Variants in CHL1 observed in about 807,000 individuals in gnomAD.
CHL1 encodes cell adhesion molecule L1 like, also known as neural cell adhesion molecule L1-like protein.
A neutral mutation model predicts 141.9 loss-of-function variants in CHL1; 96 were observed. The observed-to-expected ratio is 0.68, with a 90% CI of 0.57 to 0.80. CHL1 has a LOEUF of 0.80. CHL1 is among the 30% of genes least tolerant of loss of function. The pLI is 0.00. For synonymous variants in CHL1, 613 were observed against 502.2 expected, an observed-to-expected ratio of 1.22 and a Z score of -2.95; for missense variants, 1,820 against 1,457.2, an observed-to-expected ratio of 1.25 and a Z score of -4.05.
intron 2 of CHL1, among the ~76,000 whole-genome samples, chr3:282,499 T>A (rs1696760562): frequency 6.6e-6 from 1 of 152,228 alleles, no homozygotes; most frequent in South Asian, 2.1e-4. Flanking sequence ...GCTTGAAGGA[T>A]CCTTAACATT....
At chr3:360,175 C>T (rs1704098109) in intron 11 of CHL1, 109 bp from the exon 12 acceptor site, 2 of 1,259,708 alleles carry the variant, frequency 1.6e-6, no homozygotes, top group Admixed American at 2.2e-5. Context: ...CTATTAGTCA[C>T]CCTAAACTGG....
chr3:281,148 C>T (rs926832702), intron 2 of CHL1, among the ~76,000 whole-genome samples: 11 of 152,294 alleles, frequency 7.2e-5, no homozygotes, highest in African/African-American at 2.6e-4. Flanking sequence ...CATATCTCCT[C>T]ACAACAAGGA....
intron 5 of CHL1, among the ~76,000 whole-genome samples, chr3:329,116 G>A (rs971658885): frequency 2.0e-5 from 3 of 152,010 alleles, no homozygotes; most frequent in African/African-American, 7.2e-5. Flanking sequence ...TGCCCTATGT[G>A]CATGGGATAT....
chr3:198,308 C>A (rs1252187159), intron 1 of CHL1, among the ~76,000 whole-genome samples: 1 of 151,954 alleles, frequency 6.6e-6, no homozygotes, highest in African/African-American at 2.4e-5. Context: ...CGGAGCAGCC[C>A]CAGGGCCGGC....
At chr3:384,456 A>G (rs1237288095) in intron 19 of CHL1, 1 of 152,178 alleles carries the variant, frequency 6.6e-6, no homozygotes, top group East Asian at 1.9e-4. Flanking sequence ...TTTATGTATG[A>G]GGATCTTTGG....
chr3:388,973 G>T (rs1228619589), intron 19 of CHL1, among the ~76,000 whole-genome samples: 1 of 152,218 alleles, frequency 6.6e-6, no homozygotes, highest in Non-Finnish European at 1.5e-5. Context: ...AACTTCCTTC[G>T]TGTGTAAAAA....
At chr3:261,137 CA>C (rs1264675753) in intron 2 of CHL1, among the ~76,000 whole-genome samples, 5 of 152,074 alleles carry the variant, frequency 3.3e-5, no homozygotes, top group African/African-American at 1.2e-4. Flanking sequence ...GATCATTGCA[CA>C]AAAAGAAGAG....
In CHL1 at chr3:356,874, C is replaced by T. The variant is rs563190411; in HGVS notation, c.1165+2103C>T. 6.5e-4 allele frequency among the ~76,000 whole-genome samples: 99 copies of T among 152,250 alleles called. 4 individuals are homozygous for T. In the South Asian group the frequency reaches 0.019, roughly 29 times the overall value. ...CTTGGGATTTTGAGAATACACTAGG[C>T]AGCTCTTGGAGAATTTTAAGCAGAA... On this transcript the variant is annotated intron_variant, in intron 11 of 27. Transcript: ENST00000256509.
chr3:231,072 A>G (rs1701810091), intron 1 of CHL1, among the ~76,000 whole-genome samples: 1 of 152,098 alleles, frequency 6.6e-6, no homozygotes, highest in South Asian at 2.1e-4. Context: ...GAGTCCTACT[A>G]TTTTAGTATT....
chr3:401,797 A>G (rs1350311726), intron 27 of CHL1, 99 bp downstream of exon 27: 3 of 687,480 alleles, frequency 4.4e-6, no homozygotes, highest in East Asian at 5.6e-5. Context: ...AGGTTACATA[A>G]CTACAATGTA....
At position 354,644 on chromosome 3, in the gene CHL1, T is replaced by G. The variant is rs779069585; in HGVS notation, c.1038T>G (p.Pro346=). The G allele has an allele frequency of 6.2e-7, 1 of 1,611,536 alleles. No homozygotes were observed. Among genetic ancestry groups the G allele is most frequent in the Non-Finnish European group, 8.5e-7 (1 of 1,178,968 alleles). ...THDFHVIVEE[P]PRWTKKPQSA... is the part of the protein sequence containing the mutation. ...AGCTCTTCACTTTACATCCAGAGCCTCCTCGCTGGACAAAGAAGCCTCAGA... is the reference window on the plus strand; with the variant it reads ...AGCTCTTCACTTTACATCCAGAGCCGCCTCGCTGGACAAAGAAGCCTCAGA... The change falls in exon 11 of 28, where the codon CCT becomes CCG. Residue 346 remains proline (P), a synonymous_variant. Coordinates refer to ENST00000256509, the MANE Select transcript of CHL1 (RefSeq NM_006614.4).
chr3:240,492 G>A (rs1029525070), intron 1 of CHL1, among the ~76,000 whole-genome samples: 14 of 152,122 alleles, frequency 9.2e-5, no homozygotes, highest in Non-Finnish European at 7.4e-5. Flanking sequence ...GTAGATTCTG[G>A]ATGTCAGTCC....
intron 1 of CHL1, chr3:213,342 T>G (rs1414437422): frequency 6.6e-6 from 1 of 152,182 alleles, no homozygotes; most frequent in Non-Finnish European, 1.5e-5. Flanking sequence ...GAAAAATTCA[T>G]CATGCTCCTC....
intron 2 of CHL1, among the ~76,000 whole-genome samples, chr3:266,920 C>T (rs1012844008): frequency 2.0e-5 from 3 of 152,144 alleles, no homozygotes; most frequent in African/African-American, 4.8e-5. Context: ...AATCATTTCA[C>T]CCTCCCCTTA....
At chr3:403,939 G>C (rs1045786992) in intron 27 of CHL1, among the ~76,000 whole-genome samples, 4 of 152,160 alleles carry the variant, frequency 2.6e-5, no homozygotes, top group Admixed American at 6.5e-5. Flanking sequence ...ATGCCTCATT[G>C]TTTTTCTTGA....
intron 2 of CHL1, chr3:308,780 TA>T (rs1699477394): frequency 6.4e-6 from 1 of 156,644 alleles, no homozygotes; most frequent in African/African-American, 2.4e-5. Flanking sequence ...CTAGCACGTG[TA>T]GCCCTCTGCT....
At chr3:273,846 T>G (rs1695851444) in intron 2 of CHL1, among the ~76,000 whole-genome samples, 1 of 152,206 alleles carries the variant, frequency 6.6e-6, no homozygotes, top group Admixed American at 6.5e-5. Context: ...AATCTACTCT[T>G]GCCTATACTG....
At chr3:335,363 T>C (rs1003996098) in intron 5 of CHL1, among the ~76,000 whole-genome samples, 2 of 152,224 alleles carry the variant, frequency 1.3e-5, no homozygotes, top group Non-Finnish European at 2.9e-5. Context: ...TTAGCATGAA[T>C]TCATTATGAG....
intron 1 of CHL1, chr3:197,572 C>T (rs1698446148): frequency 5.9e-6 from 2 of 339,148 alleles, no homozygotes; most frequent in South Asian, 2.2e-5. Flanking sequence ...CTCAGACCCC[C>T]CCAGTCCACT....
Sources: allele counts gnomAD v4.1 joint callset (sites outside exome capture counted in the v4.1 genomes callset), GRCh38; gene constraint gnomAD v4.1.1; transcripts MANE v1.5; gene names NCBI Gene and HGNC (gene_info 2026-07-23, HGNC 2026-07-21).